The following TMOD1 variants were observed in gnomAD, a reference collection of about 807,000 sequenced individuals.
The protein encoded by TMOD1 is tropomodulin-1.
TMOD1 carries 17 observed loss-of-function variants against 40.6 expected under a neutral mutation model. That is an observed-to-expected ratio of 0.42 (90% CI 0.29 to 0.63). The LOEUF (loss-of-function observed/expected upper bound fraction) is 0.63. Ranked by LOEUF, TMOD1 falls within the 20% of genes least tolerant of loss-of-function variation. The pLI is 0.22. For synonymous variants in TMOD1, 181 were observed against 175.0 expected, an observed-to-expected ratio of 1.03 and a Z score of -0.27; for missense variants, 391 against 447.6, an observed-to-expected ratio of 0.87 and a Z score of 1.14.
chr9:97,538,211 T>C (rs1032095442), intron 2 of TMOD1, among the ~76,000 whole-genome samples: 11 of 152,180 alleles, frequency 7.2e-5, no homozygotes, highest in South Asian at 2.1e-4. Context: ...TTCCTCCTCC[T>C]TAAAACCTGC....
intron 2 of TMOD1, among the ~76,000 whole-genome samples, chr9:97,538,301 T>C (rs1185324051): frequency 6.6e-6 from 1 of 152,170 alleles, no homozygotes; most frequent in African/African-American, 2.4e-5. Flanking sequence ...AAATTTCCAA[T>C]TGTTAAATAA....
chr9:97,588,119 G>A (rs1386879320), intron 8 of TMOD1, among the ~76,000 whole-genome samples: 1 of 152,174 alleles, frequency 6.6e-6, no homozygotes, highest in East Asian at 1.9e-4. Flanking sequence ...ACCCAAGAGT[G>A]GAATTGCTGG....
chr9:97,587,413 T>C (rs1208295813), intron 8 of TMOD1, among the ~76,000 whole-genome samples: 1 of 152,240 alleles, frequency 6.6e-6, no homozygotes, highest in African/African-American at 2.4e-5. Context: ...TTTTAGAGAT[T>C]TTGATAGGTA....
At chr9:97,520,082 G>A (rs1203599999) in intron 1 of TMOD1, among the ~76,000 whole-genome samples, 1 of 152,068 alleles carries the variant, frequency 6.6e-6, no homozygotes, top group Non-Finnish European at 1.5e-5. Context: ...AAATACATCA[G>A]GTAAAATCAG....
intron 8 of TMOD1, among the ~76,000 whole-genome samples, chr9:97,570,047 G>A (rs140569549): frequency 6.6e-6 from 1 of 152,208 alleles, no homozygotes; most frequent in East Asian, 1.9e-4. Context: ...CTAAACAGTG[G>A]TTATACCTGA....
intron 2 of TMOD1, among the ~76,000 whole-genome samples, chr9:97,531,594 G>C (rs1035425415): frequency 6.6e-6 from 1 of 152,240 alleles, no homozygotes; most frequent in African/African-American, 2.4e-5. Context: ...CTGGGTGACA[G>C]AGCAAGACTC....
intron 1 of TMOD1, among the ~76,000 whole-genome samples, chr9:97,514,230 G>A (rs1230104374): frequency 1.5e-5 from 1 of 65,304 alleles, no homozygotes; most frequent in Non-Finnish European, 3.5e-5. Context: ...CCTGGCTAAT[G>A]TTTTTTTTTT....
At chr9:97,540,023 C>T (rs527974846) in intron 2 of TMOD1, among the ~76,000 whole-genome samples, 25 of 150,944 alleles carry the variant, frequency 1.7e-4, no homozygotes, top group Admixed American at 1.2e-3. Flanking sequence ...AACAAAAATG[C>T]GCCATTCATT....
chr9:97,518,071 C>G lies in TMOD1; in HGVS notation c.-48-6070C>G, dbSNP rs537505961. On this transcript the variant is annotated intron_variant, in intron 1 of 9. Coordinates refer to ENST00000259365, the MANE Select transcript of TMOD1 (RefSeq NM_003275.4). ...CGATGGGCCCCCCAGCTTCTCTTCA[C>G]CACAGCTGCCCCAACACCTGCCCCA... is the stretch of plus-strand genomic sequence containing the variant. 2.0e-5 allele frequency among the ~76,000 whole-genome samples: 3 copies of G among 152,344 alleles called. No individual in the cohort carries two copies. The East Asian group carries it at 5.8e-4, about 29-fold the overall frequency.
Position 97,600,143 on chromosome 9 carries a change from G to GAT in TMOD1, c.*446_*447dup, listed in dbSNP as rs1199733542. The GAT allele has an allele frequency of 1.0e-6, 1 of 1,001,168 alleles. No individual in the cohort carries two copies. Among genetic ancestry groups the GAT allele is most frequent in the Non-Finnish European group, 1.2e-6 (1 of 837,824 alleles). The allele number at this position is 1,001,168 out of a possible 1,614,324, so 62.0% of individuals were successfully genotyped here. Reference sequence around the variant, plus strand: ...GTCTTAGCTATTAGCAAATAAAACTGATTATCATTCTTTATTAACCCTCCT... The same window carrying GAT: ...GTCTTAGCTATTAGCAAATAAAACTGATATTATCATTCTTTATTAACCCTCCT... On this transcript the variant is annotated 3_prime_UTR_variant, in exon 10 of 10. Transcript: ENST00000259365.
At chr9:97,525,526 G>C (rs1441627592) in intron 2 of TMOD1, among the ~76,000 whole-genome samples, 2 of 152,236 alleles carry the variant, frequency 1.3e-5, no homozygotes, top group African/African-American at 4.8e-5. Context: ...GCTGGTTGTG[G>C]TTCTTTACCC....
chr9:97,585,989 CCTT>C (rs1825863423), intron 8 of TMOD1, among the ~76,000 whole-genome samples: 2 of 151,114 alleles, frequency 1.3e-5, no homozygotes, highest in African/African-American at 2.5e-5. Flanking sequence ...TCGTCTGAAG[CCTT>C]CTTCTCTCAG....
At chr9:97,599,510 AAC>A (rs1381390288) in intron 9 of TMOD1, 122 bp from the exon 10 acceptor site, 28 of 1,229,818 alleles carry the variant, frequency 2.3e-5, no homozygotes, top group African/African-American at 1.8e-4. Flanking sequence ...CTTTCAAAAC[AAC>A]AGACTTCAGA....
chr9:97,550,221 A>G (rs1253068369), intron 3 of TMOD1, among the ~76,000 whole-genome samples: 1 of 152,218 alleles, frequency 6.6e-6, no homozygotes, highest in African/African-American at 2.4e-5. Flanking sequence ...TCAGTGCTTT[A>G]TTCCTTTTTA....
intron 1 of TMOD1, among the ~76,000 whole-genome samples, chr9:97,510,433 G>A (rs1190922047): frequency 6.6e-6 from 1 of 152,172 alleles, no homozygotes; most frequent in African/African-American, 2.4e-5. Flanking sequence ...GTTTCACCAT[G>A]TTGGCCAGGC....
intron 2 of TMOD1, among the ~76,000 whole-genome samples, chr9:97,540,625 G>A (rs750182851): frequency 2.6e-5 from 4 of 152,146 alleles, no homozygotes; most frequent in Non-Finnish European, 4.4e-5. Flanking sequence ...TATATTGTAT[G>A]GAATTGTATA....
At chr9:97,568,330 T>A (rs1314145085) in intron 7 of TMOD1, among the ~76,000 whole-genome samples, 4 of 152,158 alleles carry the variant, frequency 2.6e-5, no homozygotes, top group Admixed American at 2.0e-4. Context: ...TATAGTCTAA[T>A]AGCAGAGACA....
At chr9:97,529,534 TAAAA>T (rs546481120) in intron 2 of TMOD1, among the ~76,000 whole-genome samples, 1 of 138,820 alleles carries the variant, frequency 7.2e-6, no homozygotes, top group Admixed American at 7.2e-5. Context: ...TTGTGCACGT[TAAAA>T]AAAAAAAAAA....
intron 6 of TMOD1, 144 bp from the exon 7 acceptor site, chr9:97,565,704 G>C (rs1027826940): frequency 1.6e-6 from 1 of 641,458 alleles, no homozygotes; most frequent in Admixed American, 2.5e-5. Context: ...TCAGTCGTCC[G>C]GGACAAAGCC....
Sources: gnomAD v4.1 joint callset for allele counts (sites outside exome capture counted in the v4.1 genomes callset) on GRCh38, gnomAD v4.1.1 for gene constraint, MANE v1.5 for transcripts, NCBI Gene and HGNC (gene_info 2026-07-23, HGNC 2026-07-21) for gene names.